GPC5: variants seen among roughly 807,000 people sequenced by gnomAD.
The protein encoded by GPC5 is glypican-5.
GPC5 carries 47 observed loss-of-function variants against 53.9 expected under a neutral mutation model. The ratio of observed to expected loss-of-function variants is 0.87; its 90% confidence interval spans 0.69 to 1.11. The LOEUF (loss-of-function observed/expected upper bound fraction) is 1.11, where lower values mean the gene tolerates loss of function less well. Among genes scored for constraint, GPC5 ranks in the 50% most tolerant of loss-of-function variants. The probability of loss-of-function intolerance (pLI) is 0.00; values close to 1 mark genes in which losing one functional copy is unlikely to be tolerated. For synonymous variants in GPC5, 286 were observed against 263.3 expected (o/e 1.09, Z -0.84); for missense variants, 748 against 713.1 (o/e 1.05, Z -0.56).
At chr13:92,305,187 C>T (rs1174253343) in intron 7 of GPC5, among the ~76,000 whole-genome samples, 1 of 152,110 alleles carries the variant, frequency 6.6e-6, no homozygotes, top group Non-Finnish European at 1.5e-5. Flanking sequence ...AAACACTACA[C>T]CAACACACAT....
intron 7 of GPC5, among the ~76,000 whole-genome samples, chr13:92,521,102 A>G (rs1881025665): frequency 6.6e-6 from 1 of 152,198 alleles, no homozygotes; most frequent in Non-Finnish European, 1.5e-5. Flanking sequence ...GAGAACTACA[A>G]ACCACTGCTC....
intron 2 of GPC5, among the ~76,000 whole-genome samples, chr13:91,644,983 T>C (rs2034524373): frequency 2.0e-5 from 3 of 152,238 alleles, no homozygotes; most frequent in Admixed American, 2.0e-4. Flanking sequence ...TGAAGTTCAG[T>C]GGAATACCAG....
At chr13:92,293,938 A>G (rs1439269833) in intron 7 of GPC5, among the ~76,000 whole-genome samples, 2 of 151,782 alleles carry the variant, frequency 1.3e-5, no homozygotes, top group Non-Finnish European at 1.5e-5. Context: ...TTCTGAGTCT[A>G]TTGAGATGAT....
intron 6 of GPC5, among the ~76,000 whole-genome samples, chr13:91,922,965 A>G (rs2039730948): frequency 6.6e-6 from 1 of 152,162 alleles, no homozygotes; most frequent in South Asian, 2.1e-4. Context: ...CCTCCATTGA[A>G]TTCTGGGATC....
chr13:92,620,445 C>T (rs574239917), intron 7 of GPC5, among the ~76,000 whole-genome samples: 5 of 152,216 alleles, frequency 3.3e-5, no homozygotes, highest in Admixed American at 3.3e-4. Context: ...TTCAGAAATT[C>T]CACCAGGTTT....
In GPC5 at chr13:92,683,592, T is replaced by C. The variant is rs140273964; in HGVS notation, c.1562-182690T>C. Among the ~76,000 whole-genome samples, 217 of 152,324 alleles carry C rather than the reference T, an allele frequency of 1.4e-3. 1 individual carries two copies. The highest frequency in any genetic ancestry group is 4.9e-3 in the African/African-American group (202 of 41,574). On this transcript the variant is annotated intron_variant, in intron 7 of 7. Coordinates refer to ENST00000377067, the MANE Select transcript of GPC5 (RefSeq NM_004466.6). ...AATAAAGTGTTATAAATAATTCATA[T>C]ATGAAAAATTTACTTTTTCTATTAA...
At chr13:92,018,783 TA>T (rs2040730462) in intron 6 of GPC5, among the ~76,000 whole-genome samples, 1 of 152,110 alleles carries the variant, frequency 6.6e-6, no homozygotes, top group African/African-American at 2.4e-5. Context: ...GAATTCAGGA[TA>T]TTTTTCAATA....
At chr13:91,828,687 G>A (rs565139822) in intron 5 of GPC5, among the ~76,000 whole-genome samples, 133 of 152,042 alleles carry the variant, frequency 8.7e-4, no homozygotes, top group Non-Finnish European at 1.4e-3. Context: ...AACTGAAGAA[G>A]CTCCAAATGT....
intron 7 of GPC5, among the ~76,000 whole-genome samples, chr13:92,224,956 A>C (rs2139092763): frequency 6.6e-6 from 1 of 152,290 alleles, no homozygotes; most frequent in East Asian, 1.9e-4. Context: ...AGTCCTAGCA[A>C]ATCACCAAGC....
At chr13:92,262,323 T>C (rs1029233133) in intron 7 of GPC5, among the ~76,000 whole-genome samples, 2 of 152,226 alleles carry the variant, frequency 1.3e-5, no homozygotes, top group Non-Finnish European at 2.9e-5. Flanking sequence ...CTTTTATTGC[T>C]TTAATAGATA....
intron 2 of GPC5, among the ~76,000 whole-genome samples, chr13:91,680,760 G>T (rs1333800758): frequency 3.3e-5 from 5 of 152,108 alleles, no homozygotes; most frequent in African/African-American, 1.2e-4. Flanking sequence ...CATATACCTT[G>T]ACCTAAACAA....
intron 2 of GPC5, among the ~76,000 whole-genome samples, chr13:91,670,008 T>TA (rs2035207853): frequency 1.3e-5 from 2 of 152,282 alleles, no homozygotes; most frequent in South Asian, 4.1e-4. Flanking sequence ...GGACACTGAG[T>TA]GAACCCAAAG....
At position 91,567,355 on chromosome 13, in the gene GPC5, T is replaced by C. The variant is rs2031580431; in HGVS notation, c.325+118433T>C. Among the ~76,000 whole-genome samples, 3 of 152,188 alleles carry C rather than the reference T, an allele frequency of 2.0e-5. No homozygotes were observed. In the South Asian group the frequency reaches 6.2e-4, roughly 31 times the overall value. ...TCTTTTGTTTAGATGTTCTCTACACTTAGTGTATTTCTAGGTCCTCCATGT... is the reference window on the plus strand; with the variant it reads ...TCTTTTGTTTAGATGTTCTCTACACCTAGTGTATTTCTAGGTCCTCCATGT... On this transcript the variant is annotated intron_variant, in intron 2 of 7. Coordinates refer to ENST00000377067, the MANE Select transcript of GPC5 (RefSeq NM_004466.6).
intron 4 of GPC5, among the ~76,000 whole-genome samples, chr13:91,751,891 C>G (rs1430062951): frequency 3.9e-5 from 6 of 152,208 alleles, no homozygotes; most frequent in Admixed American, 3.9e-4. Flanking sequence ...TACTTTACTT[C>G]AAGTGTTTTA....
chr13:92,231,783 T>C (rs113116162), intron 7 of GPC5, among the ~76,000 whole-genome samples: 2 of 151,968 alleles, frequency 1.3e-5, no homozygotes, highest in Admixed American at 6.6e-5. Flanking sequence ...CGGGCCAACA[T>C]GGTGAAACCC....
chr13:92,212,124 A>C (rs2042379737), intron 7 of GPC5, among the ~76,000 whole-genome samples: 1 of 151,998 alleles, frequency 6.6e-6, no homozygotes. Context: ...TTGCAATTTT[A>C]GATGAGATGG....
intron 7 of GPC5, among the ~76,000 whole-genome samples, chr13:92,678,322 T>C (rs1887012004): frequency 6.6e-6 from 1 of 152,312 alleles, no homozygotes; most frequent in African/African-American, 2.4e-5. Flanking sequence ...CCCAAAACAC[T>C]TACTGATTTT....
At chr13:91,666,353 G>C (rs1242814699) in intron 2 of GPC5, among the ~76,000 whole-genome samples, 5 of 152,028 alleles carry the variant, frequency 3.3e-5, no homozygotes, top group Non-Finnish European at 7.4e-5. Context: ...TTTAAATGTG[G>C]ATATTTCAAA....
chr13:92,675,083 T>A (rs976167363), intron 7 of GPC5, among the ~76,000 whole-genome samples: 2 of 152,154 alleles, frequency 1.3e-5, no homozygotes, highest in Admixed American at 1.3e-4. Context: ...ACTTCTTTAC[T>A]TTTGATACTA....
Sources: gnomAD v4.1 joint callset for allele counts (sites outside exome capture counted in the v4.1 genomes callset) on GRCh38, gnomAD v4.1.1 for gene constraint, MANE v1.5 for transcripts, NCBI Gene and HGNC (gene_info 2026-07-23, HGNC 2026-07-21) for gene names.